Variants in ST3GAL3 observed in about 807,000 individuals in gnomAD.
The protein encoded by ST3GAL3 is CMP-N-acetylneuraminate-beta-1,4-galactoside alpha-2,3-sialyltransferase.
ST3GAL3 carries 21 observed loss-of-function variants against 50.1 expected under a neutral mutation model. That is an observed-to-expected ratio of 0.42 (90% CI 0.30 to 0.60). ST3GAL3 has a LOEUF of 0.60. ST3GAL3 is among the 20% of genes least tolerant of loss of function. The pLI is 0.19. For synonymous variants in ST3GAL3, 183 were observed against 190.0 expected (o/e 0.96, Z 0.30); for missense variants, 353 against 489.4 (o/e 0.72, Z 2.63).
chr1:43,861,487 A>G (rs1001269206), intron 5 of ST3GAL3, among the ~76,000 whole-genome samples: 1 of 152,050 alleles, frequency 6.6e-6, no homozygotes, highest in Non-Finnish European at 1.5e-5. Context: ...GCATTTGTTG[A>G]TACAGAAATA....
chr1:43,857,469 CTCCT>C (rs5773815), intron 5 of ST3GAL3, among the ~76,000 whole-genome samples: 1,310 of 129,422 alleles, frequency 0.01, 16 homozygotes, highest in East Asian at 0.016. Context: ...GTGTATTTCC[CTCCT>C]TCCTTCCTTC....
At chr1:43,787,018 G>A (rs1404763369) in intron 2 of ST3GAL3, among the ~76,000 whole-genome samples, 1 of 152,236 alleles carries the variant, frequency 6.6e-6, no homozygotes, top group Non-Finnish European at 1.5e-5. Flanking sequence ...ATGGCAGAAA[G>A]ACTGAGCCCT....
chr1:43,714,017 A>G (rs539824792), intron 1 of ST3GAL3, among the ~76,000 whole-genome samples: 1 of 152,260 alleles, frequency 6.6e-6, no homozygotes, highest in South Asian at 2.1e-4. Context: ...TGATCCCAGC[A>G]CTTTGGGAGG....
At position 43,899,236 on chromosome 1, in the gene ST3GAL3, G is replaced by A. The variant is rs780826701; in HGVS notation, c.530G>A (p.Arg177Gln). The change falls in exon 8 of 12, where the codon CGA (arginine) becomes CAA (glutamine). Residue 177 changes from arginine to glutamine, a missense_variant. Coordinates refer to ENST00000347631, the MANE Select transcript of ST3GAL3 (RefSeq NM_006279.5). This position sits in a 1 kb window ranked among gnomAD's most constrained non-coding sequence, Gnocchi z 5.4. ...CTTGCCAACAAGTCTCTGGGGTCACGAATTGACGACTATGACATTGTGGTG... is the reference window on the plus strand; with the variant it reads ...CTTGCCAACAAGTCTCTGGGGTCACAAATTGACGACTATGACATTGTGGTG... ...GVLANKSLGS[R>Q]IDDYDIVVRL... The A allele has an allele frequency of 2.2e-5, 36 of 1,614,118 alleles. No homozygotes were observed. Among genetic ancestry groups the A allele is most frequent in the South Asian group, 5.5e-5 (5 of 91,088 alleles).
intron 5 of ST3GAL3, among the ~76,000 whole-genome samples, chr1:43,860,097 C>G (rs967383508): frequency 1.1e-4 from 17 of 152,192 alleles, no homozygotes; most frequent in African/African-American, 3.9e-4. Context: ...CCCCTCCCTA[C>G]CCCTGAGGGC....
At chr1:43,872,512 A>T (rs923477567) in intron 5 of ST3GAL3, among the ~76,000 whole-genome samples, 2 of 151,950 alleles carry the variant, frequency 1.3e-5, no homozygotes, top group African/African-American at 4.8e-5. Flanking sequence ...GAGGTGAAGG[A>T]AACTGACAGT....
chr1:43,846,589 G>A (rs943451650), intron 5 of ST3GAL3, among the ~76,000 whole-genome samples: 1 of 152,110 alleles, frequency 6.6e-6, no homozygotes, highest in Non-Finnish European at 1.5e-5. Flanking sequence ...TTTTTAACCT[G>A]TTTGTGTCAG....
intron 2 of ST3GAL3, chr1:43,743,567 C>A: frequency 2.5e-6 from 1 of 392,640 alleles, no homozygotes; most frequent in South Asian, 1.9e-5. Flanking sequence ...CTAATGAAAG[C>A]TTATTGTGAA....
intron 2 of ST3GAL3, chr1:43,736,965 A>T: frequency 4.7e-6 from 1 of 212,820 alleles, no homozygotes; most frequent in Non-Finnish European, 9.5e-6. Flanking sequence ...CATGTGTTAC[A>T]TAGTGTTTTC....
At chr1:43,783,593 A>G (rs1432681319) in intron 2 of ST3GAL3, among the ~76,000 whole-genome samples, 1 of 152,138 alleles carries the variant, frequency 6.6e-6, no homozygotes, top group Admixed American at 6.5e-5. Flanking sequence ...GAGCAGCTGT[A>G]CTAAAACTTT....
In ST3GAL3 at chr1:43,772,303, C is replaced by T. The variant is rs183529910; in HGVS notation, c.119-19799C>T. 1.6e-4 allele frequency: 51 copies of T among 320,018 alleles called. No homozygotes were observed. The East Asian group carries it at 2.4e-3, about 15-fold the overall frequency. The allele number at this position is 320,018 out of a possible 1,614,324, so 19.8% of individuals were successfully genotyped here. ...CCTGAGGTGATCCGCCCGCCTCAGC[C>T]TCCCAAAGTGCTGGGATTACAGGCA... On this transcript the variant is annotated intron_variant, in intron 2 of 11. Coordinates refer to ENST00000347631, the MANE Select transcript of ST3GAL3 (RefSeq NM_006279.5).
At chr1:43,779,680 C>T (rs1698706390) in intron 2 of ST3GAL3, among the ~76,000 whole-genome samples, 1 of 152,192 alleles carries the variant, frequency 6.6e-6, no homozygotes, top group Non-Finnish European at 1.5e-5. Flanking sequence ...ATCTATCCTC[C>T]AATTCTTCTA....
chr1:43,822,970 C>T (rs1343430019), intron 4 of ST3GAL3, among the ~76,000 whole-genome samples: 1 of 152,198 alleles, frequency 6.6e-6, no homozygotes, highest in African/African-American at 2.4e-5. Flanking sequence ...CTTCCAATTG[C>T]TCACATCAAA....
At chr1:43,853,947 G>T (rs2067844263) in intron 5 of ST3GAL3, among the ~76,000 whole-genome samples, 1 of 152,118 alleles carries the variant, frequency 6.6e-6, no homozygotes. Flanking sequence ...AAAGCTTGTG[G>T]GCTCCTGGCC....
At chr1:43,878,835 CACTT>C (rs774242444) in intron 5 of ST3GAL3, among the ~76,000 whole-genome samples, 11 of 152,154 alleles carry the variant, frequency 7.2e-5, no homozygotes, top group Non-Finnish European at 1.3e-4. Context: ...TCTCTGATCT[CACTT>C]ACCAAATATT....
chr1:43,707,773 G>T (rs1301809675), intron 1 of ST3GAL3, 80 bp downstream of exon 1: 1 of 151,962 alleles, frequency 6.6e-6, no homozygotes, highest in East Asian at 1.9e-4. Context: ...CCCCTCCCCC[G>T]CCGGCCGCGG....
At chr1:43,731,217 A>C (rs1427010220) in intron 1 of ST3GAL3, among the ~76,000 whole-genome samples, 3 of 151,080 alleles carry the variant, frequency 2.0e-5, no homozygotes, top group Non-Finnish European at 4.4e-5. Context: ...ATATTTTTTT[A>C]TTTTTATTAT....
chr1:43,893,977 T>C (rs1570837837), intron 5 of ST3GAL3, among the ~76,000 whole-genome samples: 1 of 152,234 alleles, frequency 6.6e-6, no homozygotes, highest in African/African-American at 2.4e-5. Flanking sequence ...GTACTGGCTG[T>C]ATTTTTGGAT....
chr1:43,813,899 A>ACGCGCG (rs1219369827), intron 3 of ST3GAL3, among the ~76,000 whole-genome samples: 1 of 38,708 alleles, frequency 2.6e-5, no homozygotes, highest in African/African-American at 5.9e-5. Flanking sequence ...ACACACGCAC[A>ACGCGCG]CACGCACACA....
Sources: allele counts gnomAD v4.1 joint callset (sites outside exome capture counted in the v4.1 genomes callset), GRCh38; gene constraint gnomAD v4.1.1; non-coding constraint Gnocchi (gnomAD v3.1); transcripts MANE v1.5; gene names NCBI Gene and HGNC (gene_info 2026-07-23, HGNC 2026-07-21).